Variants in GRM8 observed in about 807,000 individuals in gnomAD.
The protein encoded by GRM8 is glutamate metabotropic receptor 8.
In GRM8, 47 loss-of-function variants were observed where a neutral mutation model predicts 87.2. That is an observed-to-expected ratio of 0.54 (90% CI 0.43 to 0.69). The LOEUF (loss-of-function observed/expected upper bound fraction) is 0.69. Among genes scored for constraint, GRM8 ranks in the 30% least tolerant of loss-of-function variants. The pLI is 0.00. For synonymous variants in GRM8, 396 were observed against 404.5 expected, an observed-to-expected ratio of 0.98 and a Z score of 0.25; for missense variants, 1,019 against 1,139.2, an observed-to-expected ratio of 0.89 and a Z score of 1.52.
chr7:126,519,630 T>TA (rs1357413499), intron 9 of GRM8, among the ~76,000 whole-genome samples: 2 of 152,078 alleles, frequency 1.3e-5, no homozygotes, highest in African/African-American at 4.8e-5. Flanking sequence ...ATGGACTGAT[T>TA]GAGTAACTAT....
At chr7:126,510,153 TTTTG>T in intron 9 of GRM8, among the ~76,000 whole-genome samples, 1 of 152,194 alleles carries the variant, frequency 6.6e-6, no homozygotes, top group East Asian at 1.9e-4. Flanking sequence ...TGCACATTTC[TTTTG>T]GCAGAAAGAA....
At chr7:126,772,057 C>A (rs1198668014) in intron 6 of GRM8, among the ~76,000 whole-genome samples, 1 of 152,050 alleles carries the variant, frequency 6.6e-6, no homozygotes, top group Non-Finnish European at 1.5e-5. Context: ...AATTTCTCTC[C>A]CATGGCTTTA....
chr7:126,838,947 T>C (rs1796032908), intron 6 of GRM8, among the ~76,000 whole-genome samples: 1 of 152,196 alleles, frequency 6.6e-6, no homozygotes, highest in East Asian at 1.9e-4. Flanking sequence ...TGCAGGTGAC[T>C]GAATGGCTGC....
At chr7:127,124,712 A>G (rs1205373150) in intron 2 of GRM8, among the ~76,000 whole-genome samples, 3 of 152,156 alleles carry the variant, frequency 2.0e-5, no homozygotes, top group Admixed American at 1.3e-4. Flanking sequence ...CTTAAATTCA[A>G]CATGATCAGA....
At chr7:127,043,523 C>A (rs906857817) in intron 3 of GRM8, among the ~76,000 whole-genome samples, 6 of 152,104 alleles carry the variant, frequency 3.9e-5, no homozygotes, top group Non-Finnish European at 7.3e-5. Flanking sequence ...GAACAAAAAA[C>A]CAAACACCAC....
At chr7:126,465,538 G>T (rs1217771127) in intron 9 of GRM8, among the ~76,000 whole-genome samples, 1 of 151,312 alleles carries the variant, frequency 6.6e-6, no homozygotes, top group Non-Finnish European at 1.5e-5. Context: ...TCGATGTAGA[G>T]GTCATTTATT....
At position 126,520,823 on chromosome 7, in the gene GRM8, T is replaced by C. The variant is rs540590013; in HGVS notation, c.2430+12129A>G. Among the ~76,000 whole-genome samples the C allele has an allele frequency of 2.6e-5, 4 of 152,270 alleles. No homozygotes were observed. In the South Asian group the frequency reaches 8.3e-4, roughly 32 times the overall value. On this transcript the variant is annotated intron_variant, in intron 9 of 10. Coordinates refer to ENST00000339582, the MANE Select transcript of GRM8 (RefSeq NM_000845.3). Reference sequence around the variant, plus strand: ...AGTGACTCCCTCTACTCATTGCCAGTCTTCTTGCCATCTTCTATACATATT... The same window carrying C: ...AGTGACTCCCTCTACTCATTGCCAGCCTTCTTGCCATCTTCTATACATATT...
intron 7 of GRM8, among the ~76,000 whole-genome samples, chr7:126,764,511 T>C (rs1408995252): frequency 6.6e-6 from 1 of 152,104 alleles, no homozygotes; most frequent in Admixed American, 6.6e-5. Flanking sequence ...CTAACAAATT[T>C]CCTTCAAAAT....
At chr7:126,767,695 C>T (rs573308731) in intron 7 of GRM8, among the ~76,000 whole-genome samples, 3 of 152,052 alleles carry the variant, frequency 2.0e-5, no homozygotes, top group Admixed American at 6.6e-5. Context: ...ACAGAATGAA[C>T]ATGAATACAT....
chr7:126,856,103 T>C (rs1413368020), intron 6 of GRM8, among the ~76,000 whole-genome samples: 4 of 152,146 alleles, frequency 2.6e-5, no homozygotes, highest in African/African-American at 7.2e-5. Context: ...ACGTTTTTTT[T>C]CCAAAAGTAA....
intron 9 of GRM8, among the ~76,000 whole-genome samples, chr7:126,503,413 T>C (rs758841305): frequency 1.9e-4 from 29 of 152,006 alleles, no homozygotes; most frequent in South Asian, 1.2e-3. Context: ...AAATTACTTA[T>C]ATTTTATGAG....
intron 7 of GRM8, among the ~76,000 whole-genome samples, chr7:126,749,138 C>T (rs1167199348): frequency 6.6e-6 from 1 of 151,972 alleles, no homozygotes; most frequent in Non-Finnish European, 1.5e-5. Flanking sequence ...ATTAGCCAGA[C>T]ATCCTGGTGC....
intron 8 of GRM8, among the ~76,000 whole-genome samples, chr7:126,557,341 G>A (rs1276577628): frequency 4.6e-5 from 7 of 152,166 alleles, no homozygotes; most frequent in African/African-American, 7.2e-5. Flanking sequence ...TGACAGAGAC[G>A]GGCTCAGGTG....
rs560779795 is a variant in GRM8 at position 127,212,049 on chromosome 7, T to C, written c.510+30646A>G. On this transcript the variant is annotated intron_variant, in intron 2 of 10. Coordinates refer to ENST00000339582, the MANE Select transcript of GRM8 (RefSeq NM_000845.3). ...TGTTCCATTATAAAGGTCACAACCT[T>C]ACATAATGATCTCCCTTACATAATA... is the stretch of plus-strand genomic sequence containing the variant. Among the ~76,000 whole-genome samples the C allele has an allele frequency of 2.6e-5, 4 of 152,312 alleles. No individual in the cohort carries two copies. The East Asian group carries it at 7.7e-4, about 29-fold the overall frequency.
intron 3 of GRM8, among the ~76,000 whole-genome samples, chr7:127,093,634 A>G (rs1461333286): frequency 6.6e-6 from 1 of 152,200 alleles, no homozygotes. Flanking sequence ...TTTTTTCCTC[A>G]CTGCTACAAC....
intron 3 of GRM8, among the ~76,000 whole-genome samples, chr7:126,949,753 G>A (rs889264848): frequency 6.6e-6 from 1 of 152,160 alleles, no homozygotes; most frequent in African/African-American, 2.4e-5. Flanking sequence ...TAACAGACCA[G>A]CAATACTTCT....
At chr7:126,968,046 G>A (rs950257214) in intron 3 of GRM8, among the ~76,000 whole-genome samples, 2 of 152,158 alleles carry the variant, frequency 1.3e-5, no homozygotes, top group African/African-American at 4.8e-5. Flanking sequence ...ATATGCAGAT[G>A]TAAATGCATT....
intron 2 of GRM8, among the ~76,000 whole-genome samples, chr7:127,217,345 A>G (rs1796620430): frequency 6.6e-6 from 1 of 152,240 alleles, no homozygotes; most frequent in African/African-American, 2.4e-5. Flanking sequence ...GCAGCTTACC[A>G]AAGACCCTAA....
chr7:127,175,804 G>A (rs1794071922), intron 2 of GRM8, among the ~76,000 whole-genome samples: 1 of 152,094 alleles, frequency 6.6e-6, no homozygotes, highest in South Asian at 2.1e-4. Flanking sequence ...TAACTACCCT[G>A]AGGGAATTCA....
Sources: allele counts gnomAD v4.1 joint callset (sites outside exome capture counted in the v4.1 genomes callset), GRCh38; gene constraint gnomAD v4.1.1; transcripts MANE v1.5; gene names NCBI Gene and HGNC (gene_info 2026-07-23, HGNC 2026-07-21).